The following CREG2 variants were observed in gnomAD, a reference collection of about 807,000 sequenced individuals.
CREG2 encodes the protein protein CREG2.
CREG2 carries 24 observed loss-of-function variants against 26.2 expected under a neutral mutation model. The ratio of observed to expected loss-of-function variants is 0.92; its 90% CI spans 0.66 to 1.29. The LOEUF (loss-of-function observed/expected upper bound fraction) is 1.29. Among genes scored for constraint, CREG2 ranks in the 50% most tolerant of loss-of-function variants. The pLI is 0.00. For missense variants in CREG2, 366 were observed against 398.6 expected (o/e 0.92, Z 0.70); for synonymous variants, 174 against 169.2 (o/e 1.03, Z -0.22).
At chr2:101,372,270 T>A (rs1558818906) in intron 2 of CREG2, among the ~76,000 whole-genome samples, 1 of 152,232 alleles carries the variant, frequency 6.6e-6, no homozygotes, top group African/African-American at 2.4e-5. Flanking sequence ...TGCCTTTAAG[T>A]GTTCACGCCT....
At chr2:101,361,449 G>C (rs1220032944) in intron 2 of CREG2, among the ~76,000 whole-genome samples, 1 of 152,236 alleles carries the variant, frequency 6.6e-6, no homozygotes, top group Non-Finnish European at 1.5e-5. Flanking sequence ...GCGTTGAAGT[G>C]ATTTGACTGA....
chr2:101,361,605 G>A (rs1349776440), intron 2 of CREG2, among the ~76,000 whole-genome samples: 1 of 152,192 alleles, frequency 6.6e-6, no homozygotes, highest in Non-Finnish European at 1.5e-5. Context: ...CCAACGCCTT[G>A]GTGTTAATCT....
intron 3 of CREG2, among the ~76,000 whole-genome samples, chr2:101,354,423 AG>A (rs1451335923): frequency 1.3e-5 from 2 of 152,252 alleles, no homozygotes; most frequent in Non-Finnish European, 2.9e-5. Flanking sequence ...TGTCCTTACA[AG>A]GCTTGCTTAT....
At chr2:101,357,932 G>T (rs908880592) in intron 2 of CREG2, among the ~76,000 whole-genome samples, 1 of 146,136 alleles carries the variant, frequency 6.8e-6, no homozygotes, top group African/African-American at 2.6e-5. Flanking sequence ...AGCCACGATT[G>T]CACCACTGCA....
chr2:101,346,889 C>G lies in CREG2; in HGVS notation c.*4034G>C, dbSNP rs1037902199. On this transcript the variant is annotated 3_prime_UTR_variant, in exon 4 of 4. Coordinates refer to ENST00000324768, the MANE Select transcript of CREG2 (RefSeq NM_153836.4). ...CTAAACTACAGTACAATATCCCAACCAGGATTTTCACATTGATTTGGTCAA... is the reference window on the plus strand; with the variant it reads ...CTAAACTACAGTACAATATCCCAACGAGGATTTTCACATTGATTTGGTCAA... 3.9e-5 allele frequency: 6 copies of G among 152,180 alleles called. No individual in the cohort carries two copies. The highest frequency in any genetic ancestry group is 1.4e-4 in the African/African-American group (6 of 41,440). The allele number at this position is 152,180 out of a possible 1,614,324, so 9.4% of individuals were successfully genotyped here.
chr2:101,372,607 G>C (rs1231252531), intron 2 of CREG2, among the ~76,000 whole-genome samples: 1 of 152,112 alleles, frequency 6.6e-6, no homozygotes, highest in African/African-American at 2.4e-5. Flanking sequence ...CAGCCTATAA[G>C]CACAAAAGGA....
At chr2:101,381,059 TATC>T (rs2104485490) in intron 2 of CREG2, among the ~76,000 whole-genome samples, 1 of 152,334 alleles carries the variant, frequency 6.6e-6, no homozygotes, top group South Asian at 2.1e-4. Flanking sequence ...GACCTGTCGT[TATC>T]ATCGTAAGAC....
At chr2:101,384,491 G>T (rs1684933288) in intron 1 of CREG2, among the ~76,000 whole-genome samples, 1 of 152,104 alleles carries the variant, frequency 6.6e-6, no homozygotes, top group South Asian at 2.1e-4. Flanking sequence ...CATGGGGGTG[G>T]ATCCCTCATG....
At chr2:101,356,244 G>A (rs550596077) in intron 2 of CREG2, among the ~76,000 whole-genome samples, 1 of 152,212 alleles carries the variant, frequency 6.6e-6, no homozygotes, top group Admixed American at 6.5e-5. Flanking sequence ...TGCGGTCTGG[G>A]GTTTATATGG....
At chr2:101,385,447 C>T (rs1483719647) in intron 1 of CREG2, among the ~76,000 whole-genome samples, 1 of 152,150 alleles carries the variant, frequency 6.6e-6, no homozygotes, top group Non-Finnish European at 1.5e-5. Context: ...TCCCAAAGTG[C>T]TGGGATTACA....
intron 3 of CREG2, among the ~76,000 whole-genome samples, chr2:101,353,197 T>C (rs1220210076): frequency 6.6e-6 from 1 of 152,224 alleles, no homozygotes; most frequent in Non-Finnish European, 1.5e-5. Context: ...TTTCACCCGT[T>C]CTGTAGGTTG....
intron 1 of CREG2, 89 bp from the exon 2 acceptor site, chr2:101,383,791 C>G: frequency 8.0e-7 from 1 of 1,242,460 alleles, no homozygotes; most frequent in Non-Finnish European, 1.1e-6. Flanking sequence ...CTAGGAAATA[C>G]AACACCAGGG....
At chr2:101,371,016 C>T (rs1684698704) in intron 2 of CREG2, among the ~76,000 whole-genome samples, 1 of 152,136 alleles carries the variant, frequency 6.6e-6, no homozygotes, top group South Asian at 2.1e-4. Flanking sequence ...GTTCCCTCTG[C>T]CATTTCTGCA....
intron 2 of CREG2, among the ~76,000 whole-genome samples, chr2:101,372,115 C>G (rs191849299): frequency 6.6e-6 from 1 of 152,094 alleles, no homozygotes; most frequent in African/African-American, 2.4e-5. Context: ...ATGGCAGCCA[C>G]GCTGTGGAAC....
intron 2 of CREG2, among the ~76,000 whole-genome samples, chr2:101,359,866 A>G (rs982372223): frequency 1.8e-4 from 27 of 152,180 alleles, no homozygotes; most frequent in African/African-American, 6.5e-4. Context: ...GGGGTCTCCA[A>G]ATGACTGCCC....
At chr2:101,380,968 T>A (rs1270428517) in intron 2 of CREG2, among the ~76,000 whole-genome samples, 1 of 152,110 alleles carries the variant, frequency 6.6e-6, no homozygotes, top group Admixed American at 6.6e-5. Flanking sequence ...GTTGCAAGTT[T>A]TCCAGTGCAC....
intron 1 of CREG2, among the ~76,000 whole-genome samples, chr2:101,386,000 A>G (rs1191737820): frequency 3.9e-5 from 6 of 152,362 alleles, no homozygotes; most frequent in Admixed American, 2.0e-4. Flanking sequence ...TTAGGAGTGC[A>G]AGATACAGCT....
At chr2:101,380,456 C>A (rs1206371819) in intron 2 of CREG2, among the ~76,000 whole-genome samples, 1 of 152,230 alleles carries the variant, frequency 6.6e-6, no homozygotes, top group Non-Finnish European at 1.5e-5. Context: ...CGCGAAGGCA[C>A]CCCTTTTCCT....
chr2:101,380,386 C>G (rs1300344913), intron 2 of CREG2, among the ~76,000 whole-genome samples: 1 of 152,250 alleles, frequency 6.6e-6, no homozygotes, highest in Non-Finnish European at 1.5e-5. Flanking sequence ...AACGCAGAGG[C>G]AGGCTTGCAG....
Sources: gnomAD v4.1 joint callset for allele counts (sites outside exome capture counted in the v4.1 genomes callset) on GRCh38, gnomAD v4.1.1 for gene constraint, MANE v1.5 for transcripts, NCBI Gene and HGNC (gene_info 2026-07-23, HGNC 2026-07-21) for gene names.